FCHSD2: variants seen among roughly 807,000 people sequenced by gnomAD.
FCHSD2 encodes the protein FCH and double SH3 domains 2.
A neutral mutation model predicts 108.1 loss-of-function variants in FCHSD2; 38 were observed. That is an observed-to-expected ratio of 0.35 (90% CI 0.27 to 0.46). The LOEUF (loss-of-function observed/expected upper bound fraction) is 0.46, where lower values mean the gene tolerates loss of function less well. Among genes scored for constraint, FCHSD2 ranks in the 20% least tolerant of loss-of-function variants. The pLI is 1.00. For missense variants in FCHSD2, 751 were observed against 897.8 expected, an observed-to-expected ratio of 0.84 and a Z score of 2.09; for synonymous variants, 279 against 314.7, an observed-to-expected ratio of 0.89 and a Z score of 1.20.
intron 8 of FCHSD2, among the ~76,000 whole-genome samples, chr11:72,945,098 C>T (rs1055259146): frequency 6.6e-6 from 1 of 152,124 alleles, no homozygotes; most frequent in Non-Finnish European, 1.5e-5. Flanking sequence ...CCAAGTCAAT[C>T]CTAAGCCAAA....
intron 8 of FCHSD2, among the ~76,000 whole-genome samples, chr11:72,948,454 ATATT>A (rs1409276327): frequency 2.6e-5 from 4 of 152,130 alleles, no homozygotes; most frequent in South Asian, 2.1e-4. Flanking sequence ...ATCATAATAG[ATATT>A]TATTATATCC....
chr11:73,091,548 C>CA (rs1396793152), intron 2 of FCHSD2, among the ~76,000 whole-genome samples: 3 of 150,532 alleles, frequency 2.0e-5, no homozygotes, highest in Admixed American at 1.3e-4. Context: ...GACTCCATCT[C>CA]AAAAAAAAGA....
At chr11:72,859,061 A>T (rs1861504400) in intron 13 of FCHSD2, among the ~76,000 whole-genome samples, 2 of 152,180 alleles carry the variant, frequency 1.3e-5, no homozygotes, top group South Asian at 4.1e-4. Context: ...AACAGAGGAG[A>T]TGAAACTGGG....
chr11:73,111,741 T>C (rs1175150842), intron 2 of FCHSD2, among the ~76,000 whole-genome samples: 1 of 152,176 alleles, frequency 6.6e-6, no homozygotes, highest in Admixed American at 6.5e-5. Context: ...TCTTGCTTTT[T>C]ATTTTTTGTG....
chr11:73,117,342 C>T, intron 2 of FCHSD2, among the ~76,000 whole-genome samples: 1 of 152,130 alleles, frequency 6.6e-6, no homozygotes, highest in East Asian at 1.9e-4. Flanking sequence ...TTCAAGAGTC[C>T]ACACTCTTAA....
At chr11:72,883,360 G>GA (rs1250266451) in intron 12 of FCHSD2, among the ~76,000 whole-genome samples, 2 of 152,106 alleles carry the variant, frequency 1.3e-5, no homozygotes, top group African/African-American at 4.8e-5. Context: ...TCTAGAAAAT[G>GA]AAAAGGTAAG....
At chr11:73,132,036 T>A (rs1430161741) in intron 2 of FCHSD2, among the ~76,000 whole-genome samples, 1 of 152,210 alleles carries the variant, frequency 6.6e-6, no homozygotes, top group Non-Finnish European at 1.5e-5. Context: ...TGATCCAACA[T>A]TTGTATTCCA....
intron 4 of FCHSD2, among the ~76,000 whole-genome samples, chr11:73,005,902 CTTTTTTT>C (rs56872243): frequency 2.7e-4 from 34 of 125,666 alleles, no homozygotes; most frequent in Admixed American, 1.6e-4. Flanking sequence ...TATTCCTAAA[CTTTTTTT>C]TTTTTTTTTT....
At chr11:72,870,588 T>C (rs1235012485) in intron 12 of FCHSD2, among the ~76,000 whole-genome samples, 1 of 152,040 alleles carries the variant, frequency 6.6e-6, no homozygotes, top group Admixed American at 6.6e-5. Flanking sequence ...TCTAACATTC[T>C]TCAGCACAAG....
chr11:72,941,848 A>G lies in FCHSD2; in HGVS notation c.706-19898T>C, dbSNP rs138085044. Among the ~76,000 whole-genome samples, 999 of 152,352 alleles carry G rather than the reference A, an allele frequency of 6.6e-3. 4 individuals are homozygous for G. The highest frequency in any genetic ancestry group is 9.5e-3 in the Admixed American group (146 of 15,300). On this transcript the variant is annotated intron_variant, in intron 8 of 19. Coordinates refer to ENST00000409418, the MANE Select transcript of FCHSD2 (RefSeq NM_014824.3). ...AGGGAATGTAGCTTCAAAAAAAGAT[A>G]TCTTAAGGAAGTTATCAAAGAGGTG...
intron 12 of FCHSD2, among the ~76,000 whole-genome samples, chr11:72,875,188 T>C (rs1435914184): frequency 1.3e-5 from 2 of 152,208 alleles, no homozygotes; most frequent in South Asian, 2.1e-4. Flanking sequence ...AGTGGTTTAC[T>C]TGTAGAATAG....
chr11:73,013,613 T>C (rs1404464846), intron 4 of FCHSD2, among the ~76,000 whole-genome samples: 1 of 152,240 alleles, frequency 6.6e-6, no homozygotes, highest in Non-Finnish European at 1.5e-5. Context: ...TGGTTTCCTA[T>C]AGTATAAAAT....
At chr11:72,846,460 G>A (rs536083947) in intron 14 of FCHSD2, among the ~76,000 whole-genome samples, 94 of 152,218 alleles carry the variant, frequency 6.2e-4, no homozygotes, top group Non-Finnish European at 1.1e-3. Context: ...GATTACAGGC[G>A]TGAGCTACCG....
At chr11:73,055,962 G>A (rs1859015361) in intron 3 of FCHSD2, among the ~76,000 whole-genome samples, 1 of 152,042 alleles carries the variant, frequency 6.6e-6, no homozygotes, top group African/African-American at 2.4e-5. Context: ...CACTGTGAAT[G>A]CCAATGAATT....
chr11:72,978,919 C>T (rs1857161948), intron 8 of FCHSD2, among the ~76,000 whole-genome samples: 1 of 136,730 alleles, frequency 7.3e-6, no homozygotes, highest in East Asian at 2.2e-4. Flanking sequence ...TGCAGTGGTG[C>T]GATCTCAGCT....
intron 2 of FCHSD2, among the ~76,000 whole-genome samples, chr11:73,131,866 G>C (rs1861011848): frequency 6.6e-6 from 1 of 152,024 alleles, no homozygotes; most frequent in South Asian, 2.1e-4. Context: ...AACTTATTTA[G>C]TCAGAGTTTA....
intron 12 of FCHSD2, among the ~76,000 whole-genome samples, chr11:72,872,286 C>CT (rs59486746): frequency 7.6e-6 from 1 of 132,216 alleles, no homozygotes; most frequent in Non-Finnish European, 1.6e-5. Context: ...TTTTTCTTTT[C>CT]TTTTTTTTTT....
chr11:72,857,486 T>A (rs1861456164), intron 13 of FCHSD2, among the ~76,000 whole-genome samples: 1 of 144,458 alleles, frequency 6.9e-6, no homozygotes, highest in Non-Finnish European at 1.5e-5. Context: ...TCGCCCAGGC[T>A]GGAGTGCAAT....
At chr11:72,973,650 TGA>T (rs1158726032) in intron 8 of FCHSD2, among the ~76,000 whole-genome samples, 2 of 152,228 alleles carry the variant, frequency 1.3e-5, no homozygotes, top group African/African-American at 4.8e-5. Context: ...TCCACTGTAC[TGA>T]GAGTGTTTCA....
Sources: allele counts gnomAD v4.1 joint callset (sites outside exome capture counted in the v4.1 genomes callset), GRCh38; gene constraint gnomAD v4.1.1; transcripts MANE v1.5; gene names NCBI Gene and HGNC (gene_info 2026-07-23, HGNC 2026-07-21).